The following THBS4 variants were observed in gnomAD, a reference collection of about 807,000 sequenced individuals.
The protein encoded by THBS4 is thrombospondin-4.
THBS4 carries 90 observed loss-of-function variants against 115.7 expected under a neutral mutation model. The ratio of observed to expected loss-of-function variants is 0.78; its 90% confidence interval spans 0.66 to 0.93. The LOEUF is 0.93. THBS4 is among the 40% of genes least tolerant of loss of function. THBS4 has a pLI of 0.00. For missense variants in THBS4, 1,087 were observed against 1,232.7 expected, an observed-to-expected ratio of 0.88 and a Z score of 1.77; for synonymous variants, 460 against 479.3, an observed-to-expected ratio of 0.96 and a Z score of 0.53.
intron 2 of THBS4, among the ~76,000 whole-genome samples, chr5:80,041,394 C>T (rs906922793): frequency 5.3e-5 from 8 of 152,072 alleles, no homozygotes; most frequent in South Asian, 2.1e-4. Flanking sequence ...TTTGATGGGG[C>T]GGGAGGAAGG....
intron 16 of THBS4, 30 bp from the exon 17 acceptor site, chr5:80,078,019 G>A (rs1298562102): frequency 2.0e-6 from 3 of 1,532,176 alleles, no homozygotes; most frequent in Non-Finnish European, 2.7e-6. Context: ...GAGCGCTATT[G>A]AGCTCCTGTC....
chr5:80,002,052 T>G (rs1240266878), intron 2 of THBS4, among the ~76,000 whole-genome samples: 1 of 152,198 alleles, frequency 6.6e-6, no homozygotes, highest in Non-Finnish European at 1.5e-5. Flanking sequence ...CTATTTTCAA[T>G]TTGAACTTTG....
At chr5:80,001,772 G>T (rs1831903092) in intron 2 of THBS4, among the ~76,000 whole-genome samples, 1 of 152,108 alleles carries the variant, frequency 6.6e-6, no homozygotes, top group African/African-American at 2.4e-5. Flanking sequence ...AAGACTGCAG[G>T]CACAGTCAGA....
At chr5:80,056,106 TG>T in intron 3 of THBS4, 74 bp downstream of exon 3, 2 of 1,481,014 alleles carry the variant, frequency 1.4e-6, no homozygotes, top group Non-Finnish European at 1.8e-6. Context: ...AGGAGCGTGC[TG>T]AGAAATTCCT....
Position 80,056,907 on chromosome 5 carries a change from G to A in THBS4, c.540+875G>A, listed in dbSNP as rs149873839. ...CTTTGTACAGAGAAGCAGGGTGTAA[G>A]CAATAATTTCCATTGCAAGTAGGAA... is the stretch of plus-strand genomic sequence containing the variant. On this transcript the variant is annotated intron_variant, in intron 3 of 21. Transcript: ENST00000350881. Among the ~76,000 whole-genome samples the A allele has an allele frequency of 1.4e-3, 212 of 152,248 alleles. 4 individuals carry two copies. The highest frequency in any genetic ancestry group is 0.01 in the Admixed American group (155 of 15,288).
chr5:80,070,996 G>A (rs1232822384), intron 12 of THBS4, 25 bp from the exon 13 acceptor site: 1 of 1,610,338 alleles, frequency 6.2e-7, no homozygotes, highest in Non-Finnish European at 8.5e-7. Flanking sequence ...AAGTCTGAGT[G>A]ATGTTCTGTC....
chr5:80,070,878 G>A lies in THBS4; in HGVS notation c.1560+128G>A. 8 of 1,567,438 alleles carry A rather than the reference G, an allele frequency of 5.1e-6. No individual in the cohort carries two copies. The South Asian group carries it at 9.3e-5, about 18-fold the overall frequency. On this transcript the variant is annotated intron_variant, in intron 12 of 21. Coordinates refer to ENST00000350881, the MANE Select transcript of THBS4 (RefSeq NM_003248.6). ...TTCCATGCCTGCATTCCACAGCACT[G>A]CAGCTTTTTACCCTATAAGATTCAC...
chr5:80,003,395 G>A (rs1341156415), intron 2 of THBS4, among the ~76,000 whole-genome samples: 1 of 152,100 alleles, frequency 6.6e-6, no homozygotes, highest in African/African-American at 2.4e-5. Context: ...AAAAGGGAAG[G>A]AATGGTTTTG....
chr5:80,047,095 A>G, intron 2 of THBS4, among the ~76,000 whole-genome samples: 1 of 152,234 alleles, frequency 6.6e-6, no homozygotes, highest in Admixed American at 6.5e-5. Context: ...AGTGTTGAGG[A>G]TAGTGCCTGA....
chr5:80,010,846 A>G (rs1832110220), intron 2 of THBS4, among the ~76,000 whole-genome samples: 1 of 152,206 alleles, frequency 6.6e-6, no homozygotes, highest in South Asian at 2.1e-4. Flanking sequence ...AAGGGATGTG[A>G]CCTTGAATGA....
intron 2 of THBS4, among the ~76,000 whole-genome samples, chr5:80,017,004 C>T (rs979847515): frequency 2.0e-5 from 3 of 151,998 alleles, no homozygotes; most frequent in Non-Finnish European, 4.4e-5. Context: ...TGTTCCAAAG[C>T]ATTTAAGACA....
intron 19 of THBS4, 124 bp from the exon 20 acceptor site, chr5:80,079,781 G>T: frequency 9.8e-7 from 1 of 1,020,552 alleles, no homozygotes; most frequent in Non-Finnish European, 1.4e-6. Flanking sequence ...TTTATGCTTT[G>T]TTCTGAATCC....
intron 2 of THBS4, chr5:80,020,064 TTC>T (rs1194548893): frequency 1.3e-5 from 2 of 153,262 alleles, no homozygotes; most frequent in African/African-American, 4.8e-5. Context: ...CCACATTGTA[TTC>T]TGTGTCAAAT....
Position 80,035,941 on chromosome 5 carries a change from T to C in THBS4, c.88+316T>C. On this transcript the variant is annotated intron_variant, in intron 1 of 21. Transcript: ENST00000350881. This position sits in a 1 kb window ranked among gnomAD's most constrained non-coding sequence, Gnocchi z 4.6. ...TCCTAGACCTCTTAACATGTTAGGC[T>C]CTGGTGTAGGGTGAATTCCGGGTCC... is the stretch of plus-strand genomic sequence containing the variant. 9.6e-7 allele frequency: 1 copy of C among 1,042,306 alleles called. No individual in the cohort carries two copies. The highest frequency in any genetic ancestry group is 1.2e-6 in the Non-Finnish European group (1 of 857,794). The allele number at this position is 1,042,306 out of a possible 1,614,324, so 64.6% of individuals were successfully genotyped here.
At chr5:80,021,532 A>G (rs1379053158) in intron 2 of THBS4, among the ~76,000 whole-genome samples, 1 of 151,886 alleles carries the variant, frequency 6.6e-6, no homozygotes, top group Non-Finnish European at 1.5e-5. Flanking sequence ...CTTCTTAGAG[A>G]CAGGGTCTCT....
intron 2 of THBS4, among the ~76,000 whole-genome samples, chr5:80,044,414 TAA>T (rs17879105): frequency 2.0e-5 from 3 of 150,584 alleles, no homozygotes; most frequent in African/African-American, 7.3e-5. Flanking sequence ...TAGTAGGTAA[TAA>T]AAAAAAAATT....
chr5:80,003,254 A>G (rs1160695455), intron 2 of THBS4, among the ~76,000 whole-genome samples: 1 of 152,188 alleles, frequency 6.6e-6, no homozygotes, highest in Non-Finnish European at 1.5e-5. Context: ...CCTAAATACT[A>G]CAAACATTTC....
chr5:80,019,377 AT>A (rs1249290365), intron 2 of THBS4, among the ~76,000 whole-genome samples: 1 of 152,206 alleles, frequency 6.6e-6, no homozygotes, highest in East Asian at 1.9e-4. Flanking sequence ...TGATTTCTGG[AT>A]TTTTTTAAGT....
intron 20 of THBS4, among the ~76,000 whole-genome samples, chr5:80,080,707 C>T (rs571772133): frequency 1.9e-4 from 29 of 151,052 alleles, no homozygotes; most frequent in Middle Eastern, 3.4e-3. Context: ...CTGCCTCAGC[C>T]TCCCGAGTAG....
Sources: allele counts gnomAD v4.1 joint callset (sites outside exome capture counted in the v4.1 genomes callset), GRCh38; gene constraint gnomAD v4.1.1; non-coding constraint Gnocchi (gnomAD v3.1); transcripts MANE v1.5; gene names NCBI Gene and HGNC (gene_info 2026-07-23, HGNC 2026-07-21).